The following SYT1 variants were observed in gnomAD, a reference collection of about 807,000 sequenced individuals.
SYT1 encodes the protein synaptotagmin 1.
SYT1 carries 8 observed loss-of-function variants against 44.8 expected under a neutral mutation model. The observed-to-expected ratio is 0.18, with a 90% CI of 0.10 to 0.32. The LOEUF (loss-of-function observed/expected upper bound fraction) is 0.32. Ranked by LOEUF, SYT1 falls within the 10% of genes least tolerant of loss-of-function variation. The probability of loss-of-function intolerance (pLI) is 1.00; values close to 1 mark genes in which losing one functional copy is unlikely to be tolerated. For missense variants in SYT1, 286 were observed against 509.3 expected (o/e 0.56, Z 4.22); for synonymous variants, 154 against 188.8 (o/e 0.82, Z 1.51).
At chr12:78,925,165 C>G (rs1207004716) in intron 1 of SYT1, among the ~76,000 whole-genome samples, 1 of 152,024 alleles carries the variant, frequency 6.6e-6, no homozygotes, top group East Asian at 1.9e-4. Context: ...AAATCAACAC[C>G]TTGGAGTTCA....
chr12:79,167,159 A>C (rs1871266334), intron 3 of SYT1, among the ~76,000 whole-genome samples: 1 of 152,034 alleles, frequency 6.6e-6, no homozygotes, highest in Non-Finnish European at 1.5e-5. Flanking sequence ...CTTCTGTTGA[A>C]TACTTACCAT....
chr12:78,971,441 A>G (rs1226185101), intron 1 of SYT1, among the ~76,000 whole-genome samples: 1 of 152,162 alleles, frequency 6.6e-6, no homozygotes, highest in Non-Finnish European at 1.5e-5. Flanking sequence ...GAGATTTTAG[A>G]AATAATAAAA....
intron 1 of SYT1, chr12:78,964,242 T>C (rs900612568): frequency 6.6e-6 from 1 of 152,236 alleles, no homozygotes; most frequent in African/African-American, 2.4e-5. Context: ...TGGAATAAAG[T>C]ATAATTTGAA....
At chr12:79,287,604 G>A (rs2138835842) in intron 5 of SYT1, among the ~76,000 whole-genome samples, 1 of 152,212 alleles carries the variant, frequency 6.6e-6, no homozygotes, top group East Asian at 1.9e-4. Context: ...TTTGAATGTG[G>A]TTTCCCTGTG....
intron 1 of SYT1, among the ~76,000 whole-genome samples, chr12:78,884,308 G>C (rs1592523348): frequency 6.6e-6 from 1 of 151,506 alleles, no homozygotes; most frequent in East Asian, 1.9e-4. Context: ...TTATATATTA[G>C]GAATAGCTAT....
intron 3 of SYT1, among the ~76,000 whole-genome samples, chr12:79,185,766 T>C (rs1872765142): frequency 6.6e-6 from 1 of 152,064 alleles, no homozygotes; most frequent in Admixed American, 6.6e-5. Flanking sequence ...ATGTATCATG[T>C]AATGATTATT....
chr12:79,090,116 C>T (rs1423643755), intron 3 of SYT1, among the ~76,000 whole-genome samples: 1 of 151,984 alleles, frequency 6.6e-6, no homozygotes, highest in Non-Finnish European at 1.5e-5. Flanking sequence ...TACTATACCT[C>T]CTGCTTGCTT....
At chr12:78,888,415 C>G (rs1874864400) in intron 1 of SYT1, among the ~76,000 whole-genome samples, 1 of 151,820 alleles carries the variant, frequency 6.6e-6, no homozygotes, top group Admixed American at 6.6e-5. Flanking sequence ...AATGATACCA[C>G]TCTGCTGAAG....
intron 3 of SYT1, among the ~76,000 whole-genome samples, chr12:79,171,644 C>A (rs1871529896): frequency 6.6e-6 from 1 of 151,634 alleles, no homozygotes; most frequent in African/African-American, 2.4e-5. Context: ...CTTAGTCTGC[C>A]AAAACCACTG....
intron 1 of SYT1, among the ~76,000 whole-genome samples, chr12:78,921,987 A>C (rs1034278631): frequency 8.5e-6 from 1 of 118,338 alleles, no homozygotes; most frequent in African/African-American, 2.9e-5. Context: ...AAATACCTTT[A>C]AAGAATAAAA....
At chr12:78,894,646 T>TA (rs1312148321) in intron 1 of SYT1, among the ~76,000 whole-genome samples, 3 of 151,590 alleles carry the variant, frequency 2.0e-5, no homozygotes, top group Non-Finnish European at 4.4e-5. Flanking sequence ...TTCTTACAAT[T>TA]ACGGCTATTT....
chr12:79,059,789 A>T (rs1013971465), intron 3 of SYT1, among the ~76,000 whole-genome samples: 3 of 152,088 alleles, frequency 2.0e-5, no homozygotes, highest in Non-Finnish European at 4.4e-5. Context: ...GAAACAGTGG[A>T]TGTTGGTAAC....
At position 78,936,108 on chromosome 12, in the gene SYT1, T is replaced by C. The variant is rs141779829; in HGVS notation, c.-216-41691T>C. ...AAATCAATTATTGAGATCCACTGTATTTATGTCACTTCTTTTAGAGTTACA... is the reference window on the plus strand; with the variant it reads ...AAATCAATTATTGAGATCCACTGTACTTATGTCACTTCTTTTAGAGTTACA... On this transcript the variant is annotated intron_variant, in intron 1 of 10. Transcript: ENST00000261205. 5.6e-3 allele frequency among the ~76,000 whole-genome samples: 847 copies of C among 152,274 alleles called. 8 individuals carry two copies. The highest frequency in any genetic ancestry group is 0.019 in the African/African-American group (802 of 41,582).
chr12:79,294,710 G>T (rs1040473522), intron 6 of SYT1, among the ~76,000 whole-genome samples: 1 of 151,956 alleles, frequency 6.6e-6, no homozygotes, highest in Admixed American at 6.6e-5. Context: ...TTACTTATTC[G>T]CATTACTACA....
chr12:78,949,477 TAA>T (rs1555183718), intron 1 of SYT1, among the ~76,000 whole-genome samples: 4 of 144,004 alleles, frequency 2.8e-5, no homozygotes, highest in African/African-American at 7.6e-5. Context: ...TATAGCTCAT[TAA>T]AAAAAAAAAA....
At chr12:79,044,145 C>T (rs1331093017) in intron 2 of SYT1, among the ~76,000 whole-genome samples, 1 of 152,076 alleles carries the variant, frequency 6.6e-6, no homozygotes. Flanking sequence ...GTGGCATTCT[C>T]TGTATTTCCT....
intron 4 of SYT1, among the ~76,000 whole-genome samples, chr12:79,285,234 A>G (rs1209148717): frequency 6.6e-6 from 1 of 152,242 alleles, no homozygotes; most frequent in Non-Finnish European, 1.5e-5. Context: ...GCCCCATACC[A>G]TGCCAGAACA....
At chr12:79,010,055 T>C (rs1322409403) in intron 2 of SYT1, among the ~76,000 whole-genome samples, 2 of 152,196 alleles carry the variant, frequency 1.3e-5, no homozygotes. Flanking sequence ...GGAGGTTTTA[T>C]GGGTTTCTTG....
intron 1 of SYT1, among the ~76,000 whole-genome samples, chr12:78,962,624 G>A (rs1051017884): frequency 2.0e-5 from 3 of 151,900 alleles, no homozygotes; most frequent in Non-Finnish European, 2.9e-5. Flanking sequence ...ATTCTCATTC[G>A]TAATCTCTAT....
Sources: allele counts gnomAD v4.1 joint callset (sites outside exome capture counted in the v4.1 genomes callset), GRCh38; gene constraint gnomAD v4.1.1; transcripts MANE v1.5; gene names NCBI Gene and HGNC (gene_info 2026-07-23, HGNC 2026-07-21).